Variants in TRPM3 observed in about 807,000 individuals in gnomAD.
TRPM3 encodes long transient receptor potential channel 3.
TRPM3 carries 77 observed loss-of-function variants against 181.2 expected under a neutral mutation model. The observed-to-expected ratio is 0.42, with a 90% CI of 0.35 to 0.51. The LOEUF (loss-of-function observed/expected upper bound fraction) is 0.51. TRPM3 is among the 20% of genes least tolerant of loss of function. TRPM3 has a pLI of 0.01. For synonymous variants in TRPM3, 745 were observed against 796.4 expected (o/e 0.94, Z 1.09); for missense variants, 1,759 against 2,196.7 (o/e 0.80, Z 3.98).
intron 9 of TRPM3, among the ~76,000 whole-genome samples, chr9:70,651,839 C>T (rs1010812633): frequency 1.3e-5 from 2 of 152,102 alleles, no homozygotes; most frequent in East Asian, 1.9e-4. Context: ...GTCATGTCTA[C>T]GTTGGAAGTC....
chr9:70,673,287 G>T (rs2063338251), intron 9 of TRPM3, among the ~76,000 whole-genome samples: 1 of 134,494 alleles, frequency 7.4e-6, no homozygotes. Flanking sequence ...TGACCAATTT[G>T]CTTCATAACA....
intron 1 of TRPM3, among the ~76,000 whole-genome samples, chr9:71,042,455 T>A (rs909423677): frequency 1.3e-5 from 2 of 152,182 alleles, no homozygotes; most frequent in African/African-American, 4.8e-5. Flanking sequence ...ACGGAATGTA[T>A]CTTGTATTTG....
intron 1 of TRPM3, among the ~76,000 whole-genome samples, chr9:71,322,992 A>G (rs771641463): frequency 2.6e-4 from 39 of 152,142 alleles, no homozygotes; most frequent in Non-Finnish European, 5.3e-4. Flanking sequence ...ATATTTCTCC[A>G]TCTTTTTTGC....
rs534391904 is a variant in TRPM3 at position 71,092,028 on chromosome 9, C to T, written c.177+29150G>A. Among the ~76,000 whole-genome samples, 10 of 152,210 alleles carry T rather than the reference C, an allele frequency of 6.6e-5. No homozygotes were observed. The South Asian group carries it at 2.1e-3, about 32-fold the overall frequency. ...CATCTGTCTATACATAAAGAAACAG[C>T]CACATCGGTTTAGTAGTTTTCATTC... On this transcript the variant is annotated intron_variant, in intron 1 of 25. Coordinates refer to ENST00000677713, the MANE Select transcript of TRPM3 (RefSeq NM_001366145.2).
intron 1 of TRPM3, among the ~76,000 whole-genome samples, chr9:71,135,123 C>A (rs1175751062): frequency 6.6e-6 from 1 of 152,184 alleles, no homozygotes; most frequent in Non-Finnish European, 1.5e-5. Flanking sequence ...TCACCTAGAG[C>A]CAAAACTTAT....
At chr9:71,229,131 T>C (rs1040736849) in intron 1 of TRPM3, among the ~76,000 whole-genome samples, 1 of 152,078 alleles carries the variant, frequency 6.6e-6, no homozygotes, top group African/African-American at 2.4e-5. Context: ...CACAGACCAA[T>C]GGAACAGATT....
intron 6 of TRPM3, among the ~76,000 whole-genome samples, chr9:70,787,185 A>T (rs1187268196): frequency 1.3e-5 from 2 of 152,196 alleles, no homozygotes; most frequent in Non-Finnish European, 2.9e-5. Flanking sequence ...CAGGATAATG[A>T]TTTCCTATAT....
intron 1 of TRPM3, among the ~76,000 whole-genome samples, chr9:71,335,156 G>A (rs2090466280): frequency 6.6e-6 from 1 of 152,246 alleles, no homozygotes; most frequent in Non-Finnish European, 1.5e-5. Flanking sequence ...ATGTTAATAA[G>A]TTTGCAGGCA....
intron 1 of TRPM3, among the ~76,000 whole-genome samples, chr9:71,012,409 T>TG (rs1488013453): frequency 2.0e-5 from 3 of 148,934 alleles, no homozygotes; most frequent in African/African-American, 7.4e-5. Flanking sequence ...TTATAGTTGT[T>TG]TTTTTTTTTT....
At chr9:71,324,707 G>A (rs776193946) in intron 1 of TRPM3, among the ~76,000 whole-genome samples, 8 of 152,030 alleles carry the variant, frequency 5.3e-5, no homozygotes, top group Non-Finnish European at 1.0e-4. Context: ...CAAAGATATG[G>A]AACCAACCTA....
intron 9 of TRPM3, among the ~76,000 whole-genome samples, chr9:70,653,536 C>G (rs2059864896): frequency 6.6e-6 from 1 of 151,668 alleles, no homozygotes; most frequent in African/African-American, 2.4e-5. Context: ...TTGGTCAAAT[C>G]CAAGTGAGAA....
At chr9:70,797,844 A>C (rs1345874330) in intron 6 of TRPM3, among the ~76,000 whole-genome samples, 15 of 152,076 alleles carry the variant, frequency 9.9e-5, no homozygotes, top group Admixed American at 9.8e-4. Flanking sequence ...CAGACCCTGA[A>C]GATGTGCAGT....
chr9:70,959,212 T>A (rs1038796135), intron 1 of TRPM3, among the ~76,000 whole-genome samples: 15 of 152,044 alleles, frequency 9.9e-5, no homozygotes, highest in Admixed American at 9.2e-4. Flanking sequence ...ATAGTAAATA[T>A]TTGCTTGTGT....
chr9:71,014,286 C>T (rs1350063539), intron 1 of TRPM3, among the ~76,000 whole-genome samples: 1 of 151,936 alleles, frequency 6.6e-6, no homozygotes, highest in African/African-American at 2.4e-5. Flanking sequence ...CATTTTTCCA[C>T]TTTATTTCTC....
intron 1 of TRPM3, among the ~76,000 whole-genome samples, chr9:71,095,289 G>A (rs543252): frequency 0.23 from 35,477 of 152,064 alleles, 4,918 homozygotes; most frequent in East Asian, 0.4. Context: ...TGACTCCGTC[G>A]TCATGTATAA....
Position 71,432,220 on chromosome 9 carries a change from G to A in TRPM3, c.183+14433C>T, listed in dbSNP as rs548803505. 2.8e-4 allele frequency among the ~76,000 whole-genome samples: 42 copies of A among 151,976 alleles called. No individual in the cohort carries two copies. In the South Asian group the frequency reaches 6.6e-3, roughly 24 times the overall value. The stretch of plus-strand genomic sequence containing the variant: ...ACCAGCCTAACAGTCTGTCTCCATC[G>A]GTGGACCCAAAGGCCTCCAGTTATA... On this transcript the variant is annotated intron_variant, in intron 1 of 24. Transcript: ENST00000357533.
chr9:71,346,963 T>C (rs943676925), intron 1 of TRPM3, among the ~76,000 whole-genome samples: 1 of 152,208 alleles, frequency 6.6e-6, no homozygotes, highest in African/African-American at 2.4e-5. Context: ...ATGAGTGAAC[T>C]CTGATGAGAG....
chr9:71,282,236 AAAGAATGAAAGAAAGAAAG>A lies in TRPM3; in HGVS notation c.183+164398_183+164416del, dbSNP rs1261755481. ...AGAAAGGAAAGAAAGAAAGAAAAAGAAAGAATGAAAGAAAGAAAGAAAGGAAAGAAAGAGAGAAAGAAAG... is the reference window on the plus strand; with the variant it reads ...AGAAAGGAAAGAAAGAAAGAAAAAGAAAAGGAAAGAAAGAGAGAAAGAAAG... On this transcript the variant is annotated intron_variant, in intron 1 of 24. Coordinates refer to the TRPM3 transcript ENST00000357533. Among the ~76,000 whole-genome samples the A allele has an allele frequency of 1.1e-4, 14 of 121,856 alleles. 5 individuals carry two copies. Among genetic ancestry groups the A allele is most frequent in the African/African-American group, 4.4e-4 (13 of 29,336 alleles). The allele number at this position is 121,856 out of a possible 152,430, so 79.9% of individuals were successfully genotyped here.
At chr9:70,952,401 A>G (rs1222222491) in intron 1 of TRPM3, among the ~76,000 whole-genome samples, 1 of 152,210 alleles carries the variant, frequency 6.6e-6, no homozygotes, top group Non-Finnish European at 1.5e-5. Context: ...TTCATATTAC[A>G]TAAGCAGAAG....
Sources: gnomAD v4.1 joint callset for allele counts (sites outside exome capture counted in the v4.1 genomes callset) on GRCh38, gnomAD v4.1.1 for gene constraint, MANE v1.5 for transcripts, NCBI Gene and HGNC (gene_info 2026-07-23, HGNC 2026-07-21) for gene names.